DDR2: variants seen among roughly 807,000 people sequenced by gnomAD.
The protein encoded by DDR2 is discoidin domain-containing receptor 2.
DDR2 carries 27 observed loss-of-function variants against 94.9 expected under a neutral mutation model. That is an observed-to-expected ratio of 0.28 (90% CI 0.21 to 0.39). The LOEUF (loss-of-function observed/expected upper bound fraction) is 0.39, where lower values mean the gene tolerates loss of function less well. Ranked by LOEUF, DDR2 falls within the 10% of genes least tolerant of loss-of-function variation. The pLI is 1.00. For synonymous variants in DDR2, 382 were observed against 377.2 expected, an observed-to-expected ratio of 1.01 and a Z score of -0.15; for missense variants, 783 against 1,076.0, an observed-to-expected ratio of 0.73 and a Z score of 3.81.
chr1:162,769,320 A>T (rs561880930), intron 11 of DDR2, among the ~76,000 whole-genome samples: 3 of 152,350 alleles, frequency 2.0e-5, no homozygotes, highest in African/African-American at 7.2e-5. Flanking sequence ...ACAAAATTTT[A>T]TGTGGAAAAT....
intron 9 of DDR2, 103 bp from the exon 10 acceptor site, chr1:162,765,898 C>T: frequency 1.0e-6 from 1 of 989,136 alleles, no homozygotes; most frequent in East Asian, 2.4e-5. Context: ...GATGACAACT[C>T]ACTAAATTGA....
At position 162,772,321 on chromosome 1, in the gene DDR2, C is replaced by T. The variant is rs567869259; in HGVS notation, c.1728+74C>T. 414 of 1,455,310 alleles carry T rather than the reference C, an allele frequency of 2.8e-4. 1 individual carries two copies. In the African/African-American group the frequency reaches 4.8e-3, roughly 17 times the overall value. The allele number at this position is 1,455,310 out of a possible 1,614,324, so 90.1% of individuals were successfully genotyped here. ...AAAAATGATCAGTAGAACAAAGAGT[C>T]CCTTCCAGAGGTGGATTCACAACAG... On this transcript the variant is annotated intron_variant, in intron 13 of 17. Transcript: ENST00000367921.
At chr1:162,693,196 T>C (rs1258327557) in intron 2 of DDR2, among the ~76,000 whole-genome samples, 1 of 152,182 alleles carries the variant, frequency 6.6e-6, no homozygotes, top group African/African-American at 2.4e-5. Context: ...GAGGGCTGTG[T>C]TGGGGGCTTC....
intron 1 of DDR2, among the ~76,000 whole-genome samples, chr1:162,649,469 G>C (rs1430609657): frequency 1.3e-5 from 2 of 152,210 alleles, no homozygotes; most frequent in Non-Finnish European, 2.9e-5. Flanking sequence ...TCTTGGGTAA[G>C]TCATTGAATG....
intron 3 of DDR2, among the ~76,000 whole-genome samples, chr1:162,723,761 A>C (rs1661528211): frequency 6.6e-6 from 1 of 152,192 alleles, no homozygotes. Flanking sequence ...TATAAAGCTG[A>C]GGCAGGGCAG....
chr1:162,690,523 G>A (rs971132225), intron 2 of DDR2, among the ~76,000 whole-genome samples: 54 of 152,144 alleles, frequency 3.5e-4, no homozygotes, highest in African/African-American at 1.1e-3. Flanking sequence ...GATACATAAC[G>A]GGTGATAAGA....
At position 162,746,881 on chromosome 1, in the gene DDR2, G is replaced by C. The variant is rs545253505; in HGVS notation, c.83-6214G>C. On this transcript the variant is annotated intron_variant, in intron 3 of 17. Coordinates refer to ENST00000367921, the MANE Select transcript of DDR2 (RefSeq NM_006182.4). ...GTGATACCCAGGCAAACAGGGTCTG[G>C]AGTGGACCTCCAGCAAACTCCAACA... Among the ~76,000 whole-genome samples the C allele has an allele frequency of 5.7e-4, 87 of 152,358 alleles. 1 individual carries two copies. The highest frequency in any genetic ancestry group is 1.9e-3 in the African/African-American group (80 of 41,576).
At chr1:162,717,724 GTT>G (rs1367465063) in intron 2 of DDR2, among the ~76,000 whole-genome samples, 1 of 152,120 alleles carries the variant, frequency 6.6e-6, no homozygotes, top group Non-Finnish European at 1.5e-5. Context: ...GAGGTAATAG[GTT>G]TTTGGGAGGA....
At chr1:162,755,386 A>AAC in intron 6 of DDR2, 83 bp downstream of exon 6, 4 of 1,546,706 alleles carry the variant, frequency 2.6e-6, no homozygotes, top group Non-Finnish European at 3.5e-6. Context: ...TCAGAAAGGG[A>AAC]TGGGATCAGT....
chr1:162,765,874 C>A, intron 9 of DDR2, 127 bp from the exon 10 acceptor site: 1 of 838,024 alleles, frequency 1.2e-6, no homozygotes, highest in Non-Finnish European at 2.0e-6. Flanking sequence ...ATGATTTTAT[C>A]TTTTTAAAAG....
chr1:162,636,185 A>AT lies in DDR2; in HGVS notation c.-192+3558dup, dbSNP rs540849965. ...GCATAGATATATTTGATGTTTCCTA[A>AT]TTTTATAAACCCCAGCATTTGGCAA... On this transcript the variant is annotated intron_variant, in intron 1 of 17. Transcript: ENST00000367921. Among the ~76,000 whole-genome samples, 231 of 152,270 alleles carry AT rather than the reference A, an allele frequency of 1.5e-3. 4 individuals carry two copies. The highest frequency in any genetic ancestry group is 5.2e-3 in the African/African-American group (216 of 41,570).
At chr1:162,747,103 C>T (rs1828372) in intron 3 of DDR2, among the ~76,000 whole-genome samples, 70,146 of 152,054 alleles carry the variant, frequency 0.46, 19,638 homozygotes, top group South Asian at 0.61. Flanking sequence ...ATCAGAGCAC[C>T]TCTTCTCCTC....
intron 9 of DDR2, 32 bp downstream of exon 9, chr1:162,761,486 G>A (rs1571304695): frequency 6.2e-7 from 1 of 1,614,052 alleles, no homozygotes; most frequent in Admixed American, 1.7e-5. Flanking sequence ...TGGGAAGTGG[G>A]AGCAAGGTGA....
chr1:162,779,653 G>A (rs1322457592), intron 17 of DDR2, among the ~76,000 whole-genome samples: 1 of 152,142 alleles, frequency 6.6e-6, no homozygotes, highest in Admixed American at 6.5e-5. Flanking sequence ...TAGCTATCTT[G>A]GTTATGAGGC....
At chr1:162,631,441 C>G (rs1656555710), upstream of DDR2, 1 of 152,184 alleles carries the variant, frequency 6.6e-6, no homozygotes, top group African/African-American at 2.4e-5. Context: ...AAGTCTGGCT[C>G]TCAAAGGTAA....
chr1:162,734,547 A>C (rs958951691), intron 3 of DDR2, among the ~76,000 whole-genome samples: 4 of 152,228 alleles, frequency 2.6e-5, no homozygotes, highest in Non-Finnish European at 5.9e-5. Flanking sequence ...ATAAGAGCAT[A>C]TAATAGAAAT....
chr1:162,642,893 A>G (rs1657210071), intron 1 of DDR2, among the ~76,000 whole-genome samples: 2 of 152,184 alleles, frequency 1.3e-5, no homozygotes, highest in Admixed American at 1.3e-4. Context: ...CTGCTGCTTA[A>G]TATCATGTTT....
intron 2 of DDR2, among the ~76,000 whole-genome samples, chr1:162,673,472 A>G (rs568641280): frequency 7.9e-5 from 12 of 151,952 alleles, no homozygotes; most frequent in Non-Finnish European, 1.5e-4. Flanking sequence ...CTGGCTTTTT[A>G]TTTCTCTTGT....
intron 2 of DDR2, among the ~76,000 whole-genome samples, chr1:162,686,953 G>A (rs1007443754): frequency 1.3e-5 from 2 of 152,214 alleles, no homozygotes; most frequent in African/African-American, 2.4e-5. Flanking sequence ...GCTAAGTGTT[G>A]CAGAGTTGGC....
Sources: gnomAD v4.1 joint callset for allele counts (sites outside exome capture counted in the v4.1 genomes callset) on GRCh38, gnomAD v4.1.1 for gene constraint, MANE v1.5 for transcripts, NCBI Gene and HGNC (gene_info 2026-07-23, HGNC 2026-07-21) for gene names.